The following SRPK2 variants were observed in gnomAD, a reference collection of about 807,000 sequenced individuals.
The protein encoded by SRPK2 is SRSF protein kinase 2.
Under a neutral mutation model 90.8 loss-of-function variants are expected in SRPK2, and 21 were observed. That is an observed-to-expected ratio of 0.23 (90% CI 0.16 to 0.33). The LOEUF is 0.33. SRPK2 is among the 10% of genes least tolerant of loss of function. SRPK2 has a pLI of 1.00. For synonymous variants in SRPK2, 288 were observed against 311.1 expected, an observed-to-expected ratio of 0.93 and a Z score of 0.78; for missense variants, 620 against 869.0, an observed-to-expected ratio of 0.71 and a Z score of 3.60.
Position 105,143,287 on chromosome 7 carries a change from T to C in SRPK2, c.857A>G (p.Lys286Arg). Residue 286 changes from lysine to arginine, a missense_variant, in exon 10 of 16, where the codon AAA (lysine) becomes AGA (arginine). Physicochemically the swap from Lys to Arg is conservative, Grantham distance 26. Coordinates refer to ENST00000393651, the MANE Select transcript of SRPK2 (RefSeq NM_182692.3). ...SKNKKKKLKKKQKRQAELLEK... is the reference protein window; with the variant it reads ...SKNKKKKLKKRQKRQAELLEK... ...CAATAACTCAGCCTGCCTCTTCTGT[T>C]TCTTTTTCAGTTTTTTCTTTTTGTT... The C allele has an allele frequency of 6.2e-7, 1 of 1,613,612 alleles. No individual in the cohort carries two copies. The highest frequency in any genetic ancestry group is 8.5e-7 in the Non-Finnish European group (1 of 1,179,942).
intron 2 of SRPK2, among the ~76,000 whole-genome samples, chr7:105,293,433 C>A (rs1461053595): frequency 7.0e-6 from 1 of 143,486 alleles, no homozygotes; most frequent in Admixed American, 6.9e-5. Context: ...TAGGTAGATA[C>A]AAATATCATT....
intron 2 of SRPK2, among the ~76,000 whole-genome samples, chr7:105,247,100 C>G (rs1385264124): frequency 3.9e-5 from 6 of 152,160 alleles, no homozygotes; most frequent in Non-Finnish European, 8.8e-5. Context: ...ACCTAGAAAT[C>G]CAAACCATGC....
intron 2 of SRPK2, among the ~76,000 whole-genome samples, chr7:105,226,330 C>A (rs1034112305): frequency 4.0e-5 from 6 of 151,874 alleles, no homozygotes; most frequent in Non-Finnish European, 8.8e-5. Context: ...CACTCTATCA[C>A]CTAGGTTGGA....
chr7:105,258,430 AAAAAAG>A (rs955431732), intron 2 of SRPK2, among the ~76,000 whole-genome samples: 2 of 151,678 alleles, frequency 1.3e-5, no homozygotes, highest in African/African-American at 2.4e-5. Flanking sequence ...AAAAAAAAAA[AAAAAAG>A]AAAGAAAAAA....
chr7:105,379,783 C>T (rs543529777), intron 2 of SRPK2, among the ~76,000 whole-genome samples: 27 of 152,244 alleles, frequency 1.8e-4, no homozygotes, highest in African/African-American at 4.6e-4. Context: ...TCGAGACCAG[C>T]CCGGCCAACA....
At chr7:105,366,135 G>A (rs1043807003) in intron 2 of SRPK2, among the ~76,000 whole-genome samples, 37 of 152,056 alleles carry the variant, frequency 2.4e-4, no homozygotes, top group African/African-American at 8.9e-4. Context: ...TTTCAGGCAT[G>A]AGCCACCGCA....
At chr7:105,255,517 C>T (rs999346720) in intron 2 of SRPK2, among the ~76,000 whole-genome samples, 2 of 152,120 alleles carry the variant, frequency 1.3e-5, no homozygotes, top group Admixed American at 6.5e-5. Flanking sequence ...AATGAGGTGG[C>T]AGTTTTGAAA....
intron 2 of SRPK2, among the ~76,000 whole-genome samples, chr7:105,213,195 C>T (rs1423051391): frequency 6.6e-6 from 1 of 152,088 alleles, no homozygotes; most frequent in East Asian, 1.9e-4. Context: ...CCATTCATTT[C>T]GACAGAGAAT....
intron 2 of SRPK2, among the ~76,000 whole-genome samples, chr7:105,231,457 T>C (rs1165184441): frequency 6.6e-6 from 1 of 152,212 alleles, no homozygotes; most frequent in Non-Finnish European, 1.5e-5. Context: ...AGTCGAATGG[T>C]AGTTCTGTTT....
At chr7:105,126,956 AC>A in intron 14 of SRPK2, 36 bp downstream of exon 14, 1 of 1,603,778 alleles carries the variant, frequency 6.2e-7, no homozygotes, top group Non-Finnish European at 8.5e-7. Flanking sequence ...CTGGCAGAAG[AC>A]CTAGACCGAG....
At chr7:105,391,255 G>C (rs1157529722), upstream of SRPK2, among the ~76,000 whole-genome samples, 2 of 151,562 alleles carry the variant, frequency 1.3e-5, no homozygotes, top group African/African-American at 4.9e-5. Flanking sequence ...GCCCAGGCTG[G>C]AGTGCAATGG....
At chr7:105,351,743 G>A (rs1817212361) in intron 2 of SRPK2, among the ~76,000 whole-genome samples, 1 of 151,034 alleles carries the variant, frequency 6.6e-6, no homozygotes, top group South Asian at 2.1e-4. Context: ...GGCGGAGGCT[G>A]CAGTGAGCCA....
At chr7:105,258,984 G>A (rs1803787503) in intron 2 of SRPK2, among the ~76,000 whole-genome samples, 1 of 152,146 alleles carries the variant, frequency 6.6e-6, no homozygotes, top group Non-Finnish European at 1.5e-5. Context: ...CACAAGACAG[G>A]GATGCCCTCT....
chr7:105,282,552 CTG>C (rs1491159262), intron 2 of SRPK2, among the ~76,000 whole-genome samples: 4 of 152,220 alleles, frequency 2.6e-5, no homozygotes, highest in South Asian at 2.1e-4. Flanking sequence ...CCTGTAATCT[CTG>C]TGCATTGGGA....
At chr7:105,257,377 A>G (rs1436858823) in intron 2 of SRPK2, among the ~76,000 whole-genome samples, 1 of 152,224 alleles carries the variant, frequency 6.6e-6, no homozygotes, top group African/African-American at 2.4e-5. Context: ...AATTCATCAT[A>G]ATCTACATTG....
chr7:105,329,707 T>C (rs1814049271), intron 2 of SRPK2, among the ~76,000 whole-genome samples: 1 of 151,610 alleles, frequency 6.6e-6, no homozygotes, highest in African/African-American at 2.4e-5. Context: ...TTTTCTCCTG[T>C]AGAAAAACAG....
At chr7:105,236,290 A>G (rs1185124418) in intron 2 of SRPK2, among the ~76,000 whole-genome samples, 1 of 152,218 alleles carries the variant, frequency 6.6e-6, no homozygotes, top group Non-Finnish European at 1.5e-5. Context: ...TATCACTGAC[A>G]GCATTATGGA....
intron 2 of SRPK2, among the ~76,000 whole-genome samples, chr7:105,261,223 T>C (rs1284888742): frequency 6.6e-6 from 1 of 152,140 alleles, no homozygotes. Context: ...TGCGCTTTTA[T>C]GGTGACAGAA....
At chr7:105,292,018 C>G (rs1217389207) in intron 2 of SRPK2, among the ~76,000 whole-genome samples, 1 of 152,094 alleles carries the variant, frequency 6.6e-6, no homozygotes, top group Non-Finnish European at 1.5e-5. Context: ...AAAATGATGG[C>G]CTAGTCACCT....
Sources: allele counts gnomAD v4.1 joint callset (sites outside exome capture counted in the v4.1 genomes callset), GRCh38; gene constraint gnomAD v4.1.1; transcripts MANE v1.5; gene names NCBI Gene and HGNC (gene_info 2026-07-23, HGNC 2026-07-21).